The following TTC28 variants were observed in gnomAD, a reference collection of about 807,000 sequenced individuals.
The protein encoded by TTC28 is tetratricopeptide repeat protein 28.
In TTC28, 61 loss-of-function variants were observed where a neutral mutation model predicts 198.0. That is an observed-to-expected ratio of 0.31 (90% CI 0.25 to 0.38). The LOEUF (loss-of-function observed/expected upper bound fraction) is 0.38. TTC28 is among the 10% of genes least tolerant of loss of function. TTC28 has a pLI of 1.00. For synonymous variants in TTC28, 1,171 were observed against 1,297.8 expected (o/e 0.90, Z 2.10); for missense variants, 2,678 against 3,164.0 (o/e 0.85, Z 3.69).
intron 1 of TTC28, among the ~76,000 whole-genome samples, chr22:28,674,698 A>C (rs2051950996): frequency 6.6e-6 from 1 of 151,898 alleles, no homozygotes; most frequent in African/African-American, 2.4e-5. Flanking sequence ...GCACATCTGT[A>C]ATCCCAACTA....
intron 2 of TTC28, among the ~76,000 whole-genome samples, chr22:28,529,677 T>C (rs1023112648): frequency 1.3e-5 from 2 of 152,148 alleles, no homozygotes; most frequent in African/African-American, 2.4e-5. Flanking sequence ...TGACACCTCA[T>C]ACAGCCAGGT....
chr22:28,198,007 T>G (rs1029193566), intron 5 of TTC28, among the ~76,000 whole-genome samples: 1 of 152,150 alleles, frequency 6.6e-6, no homozygotes, highest in African/African-American at 2.4e-5. Flanking sequence ...TTCACCATGA[T>G]GAAAATGGAG....
At chr22:28,138,392 T>C (rs1297924124) in intron 6 of TTC28, among the ~76,000 whole-genome samples, 1 of 152,228 alleles carries the variant, frequency 6.6e-6, no homozygotes, top group Non-Finnish European at 1.5e-5. Context: ...CTGTCACATA[T>C]TTTAAAAAAC....
intron 1 of TTC28, among the ~76,000 whole-genome samples, chr22:28,642,230 A>G (rs2051379716): frequency 6.6e-6 from 1 of 151,500 alleles, no homozygotes; most frequent in South Asian, 2.1e-4. Context: ...AAAAAAAAGT[A>G]GGGGGAGGAA....
chr22:28,413,019 G>C (rs193058763), intron 2 of TTC28, among the ~76,000 whole-genome samples: 1 of 152,192 alleles, frequency 6.6e-6, no homozygotes, highest in African/African-American at 2.4e-5. Context: ...TAGCATGTTT[G>C]TGAAAAATCA....
At chr22:28,185,093 C>T (rs946805586) in intron 5 of TTC28, among the ~76,000 whole-genome samples, 4 of 152,174 alleles carry the variant, frequency 2.6e-5, no homozygotes, top group Admixed American at 2.6e-4. Flanking sequence ...GTAAGAATGT[C>T]AGAATGAATA....
intron 12 of TTC28, among the ~76,000 whole-genome samples, chr22:28,039,529 G>A (rs1366425779): frequency 6.6e-6 from 1 of 151,678 alleles, no homozygotes; most frequent in African/African-American, 2.4e-5. Flanking sequence ...GTTGGGTGGG[G>A]GGAGGTGGGA....
intron 2 of TTC28, among the ~76,000 whole-genome samples, chr22:28,552,462 T>C (rs1475518514): frequency 6.6e-6 from 1 of 152,114 alleles, no homozygotes; most frequent in African/African-American, 2.4e-5. Context: ...AAGTATCACA[T>C]TACTGACTTC....
intron 1 of TTC28, among the ~76,000 whole-genome samples, chr22:28,647,594 C>A (rs2051489623): frequency 6.6e-6 from 1 of 152,156 alleles, no homozygotes; most frequent in Admixed American, 6.5e-5. Flanking sequence ...AATCTCAGCA[C>A]TTTGGGAGGC....
intron 5 of TTC28, among the ~76,000 whole-genome samples, chr22:28,240,268 T>C (rs1929571489): frequency 1.3e-5 from 2 of 152,278 alleles, no homozygotes; most frequent in Non-Finnish European, 2.9e-5. Flanking sequence ...ACTGAGATAA[T>C]ATACAGAGAA....
At chr22:28,328,615 G>A (rs1396855988) in intron 2 of TTC28, among the ~76,000 whole-genome samples, 4 of 150,948 alleles carry the variant, frequency 2.6e-5, no homozygotes, top group Non-Finnish European at 5.9e-5. Flanking sequence ...TTAGCCAGGC[G>A]TGGTAGCAGG....
intron 12 of TTC28, among the ~76,000 whole-genome samples, chr22:28,032,811 A>G (rs1457395047): frequency 2.0e-5 from 3 of 152,126 alleles, no homozygotes; most frequent in Non-Finnish European, 4.4e-5. Flanking sequence ...TTCAACAGGC[A>G]GGGGCTGAAT....
At chr22:28,040,602 A>AT (rs754688303) in intron 12 of TTC28, among the ~76,000 whole-genome samples, 9 of 152,324 alleles carry the variant, frequency 5.9e-5, no homozygotes, top group Non-Finnish European at 1.2e-4. Context: ...AATAAGAGCT[A>AT]TTTACCACAA....
At chr22:28,319,958 G>A (rs1012191636) in intron 2 of TTC28, among the ~76,000 whole-genome samples, 25 of 152,118 alleles carry the variant, frequency 1.6e-4, no homozygotes, top group African/African-American at 5.3e-4. Context: ...CATGGTTTGG[G>A]TGTAGTTACA....
chr22:28,055,076 T>C (rs1258828622), intron 12 of TTC28, among the ~76,000 whole-genome samples: 2 of 152,178 alleles, frequency 1.3e-5, no homozygotes, highest in Non-Finnish European at 2.9e-5. Context: ...ATATGAGGGA[T>C]GGGTAAAAGC....
intron 2 of TTC28, among the ~76,000 whole-genome samples, chr22:28,517,771 A>C (rs1158251447): frequency 6.6e-6 from 1 of 152,224 alleles, no homozygotes; most frequent in African/African-American, 2.4e-5. Context: ...GTACTTATTA[A>C]AGCAACATTC....
chr22:28,229,986 G>A (rs755796577), intron 5 of TTC28, among the ~76,000 whole-genome samples: 3 of 152,142 alleles, frequency 2.0e-5, no homozygotes, highest in Non-Finnish European at 4.4e-5. Context: ...CATGCAATGT[G>A]TCTGGTCTCC....
At chr22:28,104,389 T>C (rs1478195786) in intron 8 of TTC28, among the ~76,000 whole-genome samples, 2 of 152,206 alleles carry the variant, frequency 1.3e-5, no homozygotes, top group East Asian at 1.9e-4. Context: ...ATTGTGAGAA[T>C]TGAATCAGCT....
intron 15 of TTC28, chr22:28,000,077 G>A (rs1164145297): frequency 6.6e-6 from 1 of 152,192 alleles, no homozygotes; most frequent in Admixed American, 6.5e-5. Flanking sequence ...CTGATACCCA[G>A]AGTGCTGCTA....
Sources: allele counts gnomAD v4.1 joint callset (sites outside exome capture counted in the v4.1 genomes callset), GRCh38; gene constraint gnomAD v4.1.1; transcripts MANE v1.5; gene names NCBI Gene and HGNC (gene_info 2026-07-23, HGNC 2026-07-21).